The following TRAPPC12 variants were observed in gnomAD, a reference collection of about 807,000 sequenced individuals.
TRAPPC12 encodes the protein trafficking protein particle complex subunit 12.
A neutral mutation model predicts 69.2 loss-of-function variants in TRAPPC12; 61 were observed. The observed-to-expected ratio is 0.88, with a 90% CI of 0.72 to 1.09. The LOEUF (loss-of-function observed/expected upper bound fraction) is 1.09. TRAPPC12 is among the 50% of genes least tolerant of loss of function. The pLI, the probability that TRAPPC12 is intolerant of heterozygous loss-of-function variation, is 0.00. For synonymous variants in TRAPPC12, 469 were observed against 438.9 expected (o/e 1.07, Z -0.86); for missense variants, 1,101 against 1,016.4 (o/e 1.08, Z -1.13).
intron 3 of TRAPPC12, among the ~76,000 whole-genome samples, chr2:3,418,519 A>G (rs901544947): frequency 6.6e-6 from 1 of 152,194 alleles, no homozygotes; most frequent in Non-Finnish European, 1.5e-5. Context: ...AAAAGACCAT[A>G]GAATAAACAT....
chr2:3,477,856 C>T (rs905053943), intron 10 of TRAPPC12, 61 bp downstream of exon 10: 1 of 1,210,264 alleles, frequency 8.3e-7, no homozygotes, highest in Non-Finnish European at 1.2e-6. Context: ...TCAAGCCCCA[C>T]TTACTGAGTT....
chr2:3,409,959 G>T (rs905595923), intron 3 of TRAPPC12, among the ~76,000 whole-genome samples: 1 of 152,064 alleles, frequency 6.6e-6, no homozygotes, highest in Non-Finnish European at 1.5e-5. Flanking sequence ...TCCCCACTCC[G>T]TGTCCCCCAG....
chr2:3,466,808 G>T (rs948003909), intron 9 of TRAPPC12, among the ~76,000 whole-genome samples: 2 of 152,146 alleles, frequency 1.3e-5, no homozygotes, highest in African/African-American at 4.8e-5. Flanking sequence ...CATGGGCATC[G>T]GCTCCTGCCT....
chr2:3,402,715 T>G (rs1271711599), intron 3 of TRAPPC12, among the ~76,000 whole-genome samples: 2 of 152,358 alleles, frequency 1.3e-5, no homozygotes, highest in Non-Finnish European at 2.9e-5. Context: ...CTTTTCTAGA[T>G]TAAGGAGAAG....
At chr2:3,452,163 C>T (rs751839301) in intron 6 of TRAPPC12, among the ~76,000 whole-genome samples, 1 of 151,966 alleles carries the variant, frequency 6.6e-6, no homozygotes, top group Non-Finnish European at 1.5e-5. Flanking sequence ...CGGGAGGCTC[C>T]GTCATACACC....
chr2:3,383,502 G>A (rs919016070), intron 1 of TRAPPC12, among the ~76,000 whole-genome samples: 16 of 150,226 alleles, frequency 1.1e-4, no homozygotes, highest in South Asian at 2.2e-4. Flanking sequence ...GGGTTCAAGC[G>A]ATTCTCCTGC....
intron 2 of TRAPPC12, among the ~76,000 whole-genome samples, chr2:3,391,025 A>T (rs1462159157): frequency 5.9e-5 from 9 of 152,238 alleles, no homozygotes; most frequent in Non-Finnish European, 1.3e-4. Context: ...TTTGAAAATC[A>T]GGACAGAAGA....
At chr2:3,406,316 G>A (rs969441367) in intron 3 of TRAPPC12, among the ~76,000 whole-genome samples, 2 of 150,800 alleles carry the variant, frequency 1.3e-5, no homozygotes, top group African/African-American at 4.9e-5. Context: ...TGAATCCTCT[G>A]GTAGCCTGTG....
At chr2:3,475,600 G>A (rs1370152275) in intron 9 of TRAPPC12, among the ~76,000 whole-genome samples, 1 of 152,096 alleles carries the variant, frequency 6.6e-6, no homozygotes, top group East Asian at 1.9e-4. Flanking sequence ...CATCAGGAAA[G>A]TCAGTGGGTA....
intron 5 of TRAPPC12, 33 bp downstream of exon 5, chr2:3,424,696 G>C (rs1202678964): frequency 6.5e-7 from 1 of 1,542,874 alleles, no homozygotes; most frequent in South Asian, 1.3e-5. Context: ...TTGTACATTT[G>C]TCTGTGTGTC....
intron 2 of TRAPPC12, chr2:3,388,973 CCA>C (rs1305976814): frequency 6.4e-6 from 2 of 312,418 alleles, no homozygotes; most frequent in Non-Finnish European, 1.2e-5. Context: ...CATTTGAACT[CCA>C]GTTAATAATA....
chr2:3,433,884 C>CTT (rs796784425), intron 5 of TRAPPC12, among the ~76,000 whole-genome samples: 1 of 151,388 alleles, frequency 6.6e-6, no homozygotes, highest in Admixed American at 6.6e-5. Flanking sequence ...CTAGCTTCTC[C>CTT]TTTTTTTTTC....
chr2:3,458,418 G>A (rs1007151105), intron 7 of TRAPPC12: 5 of 985,800 alleles, frequency 5.1e-6, no homozygotes, highest in Admixed American at 6.1e-5. Context: ...TGTCCTACTC[G>A]ATGTGCAGCC....
chr2:3,399,586 G>A (rs565240246), intron 2 of TRAPPC12, among the ~76,000 whole-genome samples: 1 of 152,284 alleles, frequency 6.6e-6, no homozygotes, highest in African/African-American at 2.4e-5. Context: ...ACAGACCTAT[G>A]ACCTGGAGCC....
chr2:3,458,216 C>G (rs1665285397), intron 7 of TRAPPC12: 1 of 992,540 alleles, frequency 1.0e-6, no homozygotes, highest in Non-Finnish European at 1.2e-6. Flanking sequence ...ATGAGCTGAT[C>G]TGCACAGTGA....
chr2:3,450,560 G>A (rs545671765), intron 6 of TRAPPC12, among the ~76,000 whole-genome samples: 4 of 152,296 alleles, frequency 2.6e-5, no homozygotes, highest in Admixed American at 1.3e-4. Flanking sequence ...TGGCGAGGGG[G>A]CGCACGTCAG....
chr2:3,402,400 G>C (rs985317121), intron 3 of TRAPPC12, among the ~76,000 whole-genome samples: 1 of 152,142 alleles, frequency 6.6e-6, no homozygotes, highest in Non-Finnish European at 1.5e-5. Context: ...GACCAGCCTG[G>C]CCAACATGGT....
chr2:3,420,474 G>A (rs1211320355), intron 3 of TRAPPC12, among the ~76,000 whole-genome samples: 2 of 152,190 alleles, frequency 1.3e-5, no homozygotes, highest in African/African-American at 4.8e-5. Context: ...GCACTTTCAT[G>A]TATCTTCTTT....
chr2:3,463,311 C>T (rs191661619), intron 8 of TRAPPC12, among the ~76,000 whole-genome samples: 2 of 152,140 alleles, frequency 1.3e-5, no homozygotes, highest in East Asian at 3.9e-4. Context: ...AACTGCAGCC[C>T]GGACACACAG....
Sources: gnomAD v4.1 joint callset for allele counts (sites outside exome capture counted in the v4.1 genomes callset) on GRCh38, gnomAD v4.1.1 for gene constraint, MANE v1.5 for transcripts, NCBI Gene and HGNC (gene_info 2026-07-23, HGNC 2026-07-21) for gene names.